SORBS2: variants seen among roughly 807,000 people sequenced by gnomAD.
SORBS2 encodes the protein sorbin and SH3 domain containing 2.
A neutral mutation model predicts 97.7 loss-of-function variants in SORBS2; 46 were observed. That is an observed-to-expected ratio of 0.47 (90% confidence interval 0.37 to 0.60). SORBS2 has a LOEUF of 0.60. SORBS2 is among the 20% of genes least tolerant of loss of function. The pLI is 0.00. For missense variants in SORBS2, 1,316 were observed against 1,282.3 expected (o/e 1.03, Z -0.40); for synonymous variants, 476 against 473.4 (o/e 1.01, Z -0.07).
chr4:185,611,542 A>G (rs2096539378), intron 12 of SORBS2, among the ~76,000 whole-genome samples: 1 of 152,166 alleles, frequency 6.6e-6, no homozygotes, highest in Non-Finnish European at 1.5e-5. Context: ...TTCTCTTTCG[A>G]TATTTTAACT....
At position 185,924,812 on chromosome 4, in the gene SORBS2, T is replaced by C. The variant is rs536978611; in HGVS notation, c.-338+31384A>G. Among the ~76,000 whole-genome samples, 4 of 152,334 alleles carry C rather than the reference T, an allele frequency of 2.6e-5. No homozygotes were observed. In the East Asian group the frequency reaches 5.8e-4, roughly 22 times the overall value. ...CCAATCCCCACTCCCTCCGTCTCTA[T>C]ACTGGGGAGCTGTTTTCTTCTTCCT... On this transcript the variant is annotated intron_variant, in intron 1 of 20. Coordinates refer to the SORBS2 transcript ENST00000284776.
chr4:185,657,785 A>G (rs969216457), upstream of SORBS2, among the ~76,000 whole-genome samples: 6 of 152,206 alleles, frequency 3.9e-5, no homozygotes, highest in Non-Finnish European at 8.8e-5. Context: ...GACCTATACC[A>G]ACAAGGGCCT....
At chr4:185,886,178 T>C (rs763476423) in intron 1 of SORBS2, among the ~76,000 whole-genome samples, 1 of 152,186 alleles carries the variant, frequency 6.6e-6, no homozygotes, top group South Asian at 2.1e-4. Context: ...CCAGAGAGGT[T>C]TAAATTCCTT....
At chr4:185,697,376 C>T (rs2098191477) in intron 2 of SORBS2, among the ~76,000 whole-genome samples, 1 of 152,194 alleles carries the variant, frequency 6.6e-6, no homozygotes, top group African/African-American at 2.4e-5. Flanking sequence ...GTCCCACACC[C>T]AGCTTAGCAA....
In SORBS2 at chr4:185,756,855, C is replaced by T. The variant is rs1215766798; in HGVS notation, c.-198+18372G>A. Among the ~76,000 whole-genome samples, 3 of 151,858 alleles carry T rather than the reference C, an allele frequency of 2.0e-5. No individual in the cohort carries two copies. In the East Asian group the frequency reaches 5.8e-4, roughly 29 times the overall value. ...ACAACCCTCTACGTCTAATCAGTCA[C>T]CTAAGATATCGAGTGGCAAGTCTTT... is the stretch of plus-strand genomic sequence containing the variant. On this transcript the variant is annotated intron_variant, in intron 2 of 20. Coordinates refer to the SORBS2 transcript ENST00000284776.
intron 5 of SORBS2, 86 bp from the exon 18 acceptor site, chr4:185,627,105 A>G (rs1287250947): frequency 2.6e-6 from 3 of 1,165,926 alleles, no homozygotes; most frequent in African/African-American, 1.5e-5. Flanking sequence ...TGCTAGTGAC[A>G]ATGGCGTAAC....
chr4:185,724,035 G>A (rs541827029), intron 2 of SORBS2, among the ~76,000 whole-genome samples: 3 of 152,142 alleles, frequency 2.0e-5, no homozygotes, highest in South Asian at 2.1e-4. Flanking sequence ...TCCTCTACTC[G>A]GCATGCCGAT....
chr4:185,636,464 A>C (rs1048047615), intron 4 of SORBS2, among the ~76,000 whole-genome samples: 3 of 152,200 alleles, frequency 2.0e-5, no homozygotes, highest in Non-Finnish European at 4.4e-5. Flanking sequence ...GCAAGTATAT[A>C]AATCAGCATA....
chr4:185,596,747 A>C (rs1264153561), intron 12 of SORBS2, among the ~76,000 whole-genome samples: 5 of 151,712 alleles, frequency 3.3e-5, no homozygotes, highest in East Asian at 1.9e-4. Flanking sequence ...GTTAGCCAGG[A>C]TGGTCTCGAT....
intron 1 of SORBS2, among the ~76,000 whole-genome samples, chr4:185,827,234 TCAC>T (rs2099200982): frequency 3.5e-5 from 2 of 56,630 alleles, no homozygotes; most frequent in African/African-American, 1.4e-4. Context: ...ATCATCATCA[TCAC>T]CATCACCACC....
intron 1 of SORBS2, among the ~76,000 whole-genome samples, chr4:185,927,171 ATACATATTATATATAATAT>A (rs1266007052): frequency 3.4e-5 from 5 of 148,960 alleles, no homozygotes; most frequent in South Asian, 2.1e-4. Flanking sequence ...TACATAAGGT[ATACATATTATATATAATAT>A]TATACATATT....
intron 6 of SORBS2, among the ~76,000 whole-genome samples, chr4:185,625,512 T>C (rs990605265): frequency 3.3e-5 from 5 of 152,238 alleles, no homozygotes; most frequent in Non-Finnish European, 4.4e-5. Flanking sequence ...GGTAGATCTG[T>C]ACTGTCTGGG....
At chr4:185,777,053 G>GA (rs1229884707) in intron 1 of SORBS2, among the ~76,000 whole-genome samples, 1 of 151,498 alleles carries the variant, frequency 6.6e-6, no homozygotes, top group Non-Finnish European at 1.5e-5. Context: ...TATGCCATGT[G>GA]AAAAAAAAGG....
At chr4:185,763,577 T>C (rs947874251) in intron 2 of SORBS2, among the ~76,000 whole-genome samples, 23 of 152,234 alleles carry the variant, frequency 1.5e-4, no homozygotes, top group African/African-American at 4.8e-4. Flanking sequence ...AATGTATATG[T>C]TTTTCTCCTG....
At chr4:185,639,355 G>T (rs2097090492) in intron 4 of SORBS2, among the ~76,000 whole-genome samples, 1 of 152,224 alleles carries the variant, frequency 6.6e-6, no homozygotes, top group Non-Finnish European at 1.5e-5. Flanking sequence ...TTTCCTCGAT[G>T]TTCTAATTTA....
intron 2 of SORBS2, among the ~76,000 whole-genome samples, chr4:185,715,328 C>G (rs550658996): frequency 6.6e-6 from 1 of 152,196 alleles, no homozygotes; most frequent in Non-Finnish European, 1.5e-5. Flanking sequence ...TAGTCTCCAG[C>G]AATTTATAGC....
rs544595295 is a variant in SORBS2 at position 185,646,896 on chromosome 4, C to G, written c.282-114G>C. The G allele has an allele frequency of 9.2e-6, 6 of 653,050 alleles. No homozygotes were observed. The African/African-American group carries it at 1.1e-4, about 12-fold the overall frequency. 40.5% of individuals were successfully genotyped at this position (653,050 alleles called of 1,614,324 possible). On this transcript the variant is annotated intron_variant, in intron 3 of 14. Coordinates refer to ENST00000418609, the Ensembl canonical transcript of SORBS2. ...TTTAGCATAGTTTTAAAAAAAATCT[C>G]TCAGGATAAAAAGTTAACCTGTGAA...
chr4:185,940,485 C>T (rs1469067557), intron 1 of SORBS2, among the ~76,000 whole-genome samples: 2 of 152,140 alleles, frequency 1.3e-5, no homozygotes, highest in East Asian at 3.9e-4. Flanking sequence ...CCTGTCCAAG[C>T]CCCCCTCATC....
At chr4:185,870,793 G>T (rs1211511701) in intron 1 of SORBS2, among the ~76,000 whole-genome samples, 1 of 152,220 alleles carries the variant, frequency 6.6e-6, no homozygotes, top group Non-Finnish European at 1.5e-5. Flanking sequence ...CAGACCCAGT[G>T]TCAATCAAGG....
Sources: gnomAD v4.1 joint callset for allele counts (sites outside exome capture counted in the v4.1 genomes callset) on GRCh38, gnomAD v4.1.1 for gene constraint, MANE v1.5 for transcripts, NCBI Gene and HGNC (gene_info 2026-07-23, HGNC 2026-07-21) for gene names.